RYR3: variants seen among roughly 807,000 people sequenced by gnomAD.
The protein encoded by RYR3 is ryanodine receptor 3.
Under a neutral mutation model 584.3 loss-of-function variants are expected in RYR3, and 207 were observed. The observed-to-expected ratio is 0.35, with a 90% CI of 0.32 to 0.40. The LOEUF (loss-of-function observed/expected upper bound fraction) is 0.40, where lower values mean the gene tolerates loss of function less well. Among genes scored for constraint, RYR3 ranks in the 10% least tolerant of loss-of-function variants. RYR3 has a pLI of 1.00. For synonymous variants in RYR3, 2,416 were observed against 2,248.5 expected (o/e 1.07, Z -2.11); for missense variants, 5,616 against 6,089.2 (o/e 0.92, Z 2.59).
chr15:33,688,572 CAAAAAA>C (rs34312921), intron 38 of RYR3, among the ~76,000 whole-genome samples: 5 of 63,660 alleles, frequency 7.9e-5, no homozygotes, highest in African/African-American at 2.7e-4. Context: ...GACTCCATCT[CAAAAAA>C]AAAAAAAAAA....
At chr15:33,609,023 T>G (rs1441763893) in intron 18 of RYR3, among the ~76,000 whole-genome samples, 1 of 152,208 alleles carries the variant, frequency 6.6e-6, no homozygotes, top group Non-Finnish European at 1.5e-5. Flanking sequence ...AAGCTGCTCT[T>G]TGTCTTCAGT....
chr15:33,341,647 G>C (rs1971833499), intron 1 of RYR3, among the ~76,000 whole-genome samples: 2 of 152,056 alleles, frequency 1.3e-5, no homozygotes, highest in African/African-American at 4.8e-5. Flanking sequence ...ATTCATCATA[G>C]AGAGTGGGTG....
intron 14 of RYR3, among the ~76,000 whole-genome samples, chr15:33,582,985 G>T (rs752848901): frequency 2.6e-5 from 4 of 152,184 alleles, no homozygotes; most frequent in Admixed American, 2.6e-4. Flanking sequence ...CCTGTGGAGA[G>T]AAGGTTATTT....
intron 1 of RYR3, among the ~76,000 whole-genome samples, chr15:33,332,989 A>G (rs911296402): frequency 4.0e-5 from 6 of 151,018 alleles, no homozygotes; most frequent in Non-Finnish European, 5.9e-5. Context: ...CTGTGTTCTG[A>G]TAAAACTTTA....
At chr15:33,857,112 C>A (rs1336937345) in intron 98 of RYR3, among the ~76,000 whole-genome samples, 1 of 152,166 alleles carries the variant, frequency 6.6e-6, no homozygotes, top group South Asian at 2.1e-4. Flanking sequence ...TTTACTTACG[C>A]CCAATCTAAT....
chr15:33,448,809 G>A (rs547125545), intron 1 of RYR3, among the ~76,000 whole-genome samples: 1 of 152,194 alleles, frequency 6.6e-6, no homozygotes, highest in Admixed American at 6.5e-5. Flanking sequence ...CCTTTCTTGT[G>A]CAGTCAGCTC....
At chr15:33,669,857 G>GGGGGGGTGGT (rs1555401713) in intron 37 of RYR3, among the ~76,000 whole-genome samples, 2 of 60,254 alleles carry the variant, frequency 3.3e-5, no homozygotes, top group African/African-American at 6.9e-5. Context: ...GGGGGGGGGG[G>GGGGGGGTGGT]GTGTGGGTGT....
chr15:33,738,740 C>T, intron 50 of RYR3, 150 bp downstream of exon 50: 1 of 839,096 alleles, frequency 1.2e-6, no homozygotes, highest in Non-Finnish European at 1.8e-6. Flanking sequence ...GCCCATCTCT[C>T]TGAAATGGAA....
Position 33,660,370 on chromosome 15 carries a change from G to A in RYR3, c.4569G>A (p.Val1523=), listed in dbSNP as rs115967801. ...TGAGCGAGCGCCACGGCTGGGTGGTGCAGTGCCTGGAGCCCCTGCAGATGA... is the reference window on the plus strand; with the variant it reads ...TGAGCGAGCGCCACGGCTGGGTGGTACAGTGCCTGGAGCCCCTGCAGATGA... ...ERVSERHGWV[V]QCLEPLQMMA... is the part of the protein sequence containing the mutation. Residue 1523 remains valine (V), a synonymous_variant, in exon 34 of 104, where the codon GTG becomes GTA. Coordinates refer to ENST00000634891, the MANE Select transcript of RYR3 (RefSeq NM_001036.6). The A allele has an allele frequency of 7.0e-5, 111 of 1,589,182 alleles. No individual in the cohort carries two copies. The African/African-American group carries it at 1.2e-3, about 17-fold the overall frequency.
chr15:33,415,700 T>G (rs2141543776), intron 1 of RYR3, among the ~76,000 whole-genome samples: 1 of 146,116 alleles, frequency 6.8e-6, no homozygotes, highest in South Asian at 2.1e-4. Context: ...AAGACATAAT[T>G]TATTTCCTTT....
intron 1 of RYR3, among the ~76,000 whole-genome samples, chr15:33,392,330 C>G (rs573423022): frequency 6.6e-6 from 1 of 150,864 alleles, no homozygotes; most frequent in South Asian, 2.1e-4. Context: ...TTTCAAGGTA[C>G]CTATGATTAT....
At chr15:33,696,083 C>G in intron 38 of RYR3, 135 bp from the exon 39 acceptor site, 1 of 755,008 alleles carries the variant, frequency 1.3e-6, no homozygotes, top group Non-Finnish European at 2.1e-6. Flanking sequence ...GCATGAGCCA[C>G]TGCACATTGC....
chr15:33,377,638 A>G (rs997427898), intron 1 of RYR3, among the ~76,000 whole-genome samples: 1 of 152,242 alleles, frequency 6.6e-6, no homozygotes, highest in African/African-American at 2.4e-5. Context: ...GTTCAAATCC[A>G]TCTCTGCCAC....
chr15:33,763,167 A>G (rs984236513), intron 60 of RYR3, among the ~76,000 whole-genome samples: 1 of 152,248 alleles, frequency 6.6e-6, no homozygotes, highest in African/African-American at 2.4e-5. Flanking sequence ...TAAAAAGCCT[A>G]GAAGAAAACC....
intron 43 of RYR3, among the ~76,000 whole-genome samples, chr15:33,716,910 A>C (rs1260524608): frequency 6.6e-6 from 1 of 152,204 alleles, no homozygotes; most frequent in Admixed American, 6.5e-5. Context: ...TTATTCACAC[A>C]AAATGGCAGT....
chr15:33,406,056 A>G (rs1442603012), intron 1 of RYR3, among the ~76,000 whole-genome samples: 1 of 152,198 alleles, frequency 6.6e-6, no homozygotes, highest in Non-Finnish European at 1.5e-5. Flanking sequence ...TGTACCCAGG[A>G]GGACATGTTA....
chr15:33,647,217 G>A (rs2062151179), intron 29 of RYR3, among the ~76,000 whole-genome samples: 2 of 152,214 alleles, frequency 1.3e-5, no homozygotes, highest in Non-Finnish European at 2.9e-5. Flanking sequence ...TCTGGGCTGA[G>A]GGATAAGAGT....
chr15:33,641,514 T>C (rs145023319), intron 27 of RYR3, among the ~76,000 whole-genome samples: 3 of 152,332 alleles, frequency 2.0e-5, no homozygotes, highest in African/African-American at 7.2e-5. Flanking sequence ...GTTTTAGAAA[T>C]GGAGATACTA....
intron 36 of RYR3, among the ~76,000 whole-genome samples, chr15:33,664,587 G>GTATATATATATATATATATATA (rs879709155): frequency 4.7e-5 from 2 of 42,626 alleles, no homozygotes; most frequent in African/African-American, 7.4e-5. Context: ...GTGTGTGTGT[G>GTATATATATATATATATATATA]TGTATATATA....
Sources: gnomAD v4.1 joint callset for allele counts (sites outside exome capture counted in the v4.1 genomes callset) on GRCh38, gnomAD v4.1.1 for gene constraint, MANE v1.5 for transcripts, NCBI Gene and HGNC (gene_info 2026-07-23, HGNC 2026-07-21) for gene names.